The following MCTP1 variants were observed in gnomAD, a reference collection of about 807,000 sequenced individuals.
The protein encoded by MCTP1 is multiple C2 and transmembrane domain-containing protein 1.
A neutral mutation model predicts 120.6 loss-of-function variants in MCTP1; 69 were observed. The ratio of observed to expected loss-of-function variants is 0.57; its 90% CI spans 0.47 to 0.70. The LOEUF is 0.70. Ranked by LOEUF, MCTP1 falls within the 30% of genes least tolerant of loss-of-function variation. MCTP1 has a pLI of 0.00. For missense variants in MCTP1, 1,203 were observed against 1,248.8 expected, an observed-to-expected ratio of 0.96 and a Z score of 0.55; for synonymous variants, 529 against 493.1, an observed-to-expected ratio of 1.07 and a Z score of -0.96.
intron 1 of MCTP1, among the ~76,000 whole-genome samples, chr5:95,069,559 T>C (rs1327608711): frequency 3.9e-5 from 6 of 152,110 alleles, no homozygotes; most frequent in Non-Finnish European, 7.4e-5. Context: ...TGTCTATGTA[T>C]GTGTGTGAAA....
At chr5:94,761,924 C>G (rs1326661869) in intron 19 of MCTP1, among the ~76,000 whole-genome samples, 1 of 152,180 alleles carries the variant, frequency 6.6e-6, no homozygotes, top group Non-Finnish European at 1.5e-5. Flanking sequence ...TTTCCCTTTT[C>G]AAACCAAGCT....
At chr5:94,790,920 T>A (rs1428179036) in intron 18 of MCTP1, among the ~76,000 whole-genome samples, 1 of 152,072 alleles carries the variant, frequency 6.6e-6, no homozygotes. Flanking sequence ...CAAAGCATAT[T>A]ACCAGAAAGG....
chr5:94,860,457 G>C (rs1003991486), intron 17 of MCTP1, among the ~76,000 whole-genome samples: 22 of 151,694 alleles, frequency 1.5e-4, no homozygotes, highest in African/African-American at 4.6e-4. Flanking sequence ...TTGCATAAGA[G>C]AGAAGATAAA....
At chr5:95,196,626 G>C (rs1164478678) in intron 1 of MCTP1, among the ~76,000 whole-genome samples, 3 of 152,302 alleles carry the variant, frequency 2.0e-5, no homozygotes, top group South Asian at 2.1e-4. Context: ...ATAAGTATAT[G>C]CAGACTAGCA....
At chr5:94,878,130 T>C (rs1260517828) in intron 12 of MCTP1, among the ~76,000 whole-genome samples, 1 of 152,174 alleles carries the variant, frequency 6.6e-6, no homozygotes, top group Non-Finnish European at 1.5e-5. Flanking sequence ...TTAAAAAATA[T>C]AATCAAGGTT....
intron 17 of MCTP1, among the ~76,000 whole-genome samples, chr5:94,817,597 C>T (rs1784744346): frequency 1.3e-5 from 2 of 152,062 alleles, no homozygotes; most frequent in South Asian, 4.1e-4. Flanking sequence ...TTCCTATTGT[C>T]TTATTGTTTC....
chr5:94,986,307 T>A (rs539098690), intron 2 of MCTP1, among the ~76,000 whole-genome samples: 157 of 152,140 alleles, frequency 1.0e-3, no homozygotes, highest in Non-Finnish European at 1.7e-3. Context: ...ATTTCTTAAA[T>A]CTTTGGCTAA....
intron 1 of MCTP1, among the ~76,000 whole-genome samples, chr5:95,192,532 T>C (rs1749935642): frequency 6.6e-6 from 1 of 152,072 alleles, no homozygotes; most frequent in Non-Finnish European, 1.5e-5. Context: ...CATAACCTTT[T>C]TCAAGTCTCT....
At chr5:95,175,018 G>A (rs1292924096) in intron 1 of MCTP1, among the ~76,000 whole-genome samples, 3 of 151,894 alleles carry the variant, frequency 2.0e-5, no homozygotes, top group Non-Finnish European at 4.4e-5. Context: ...TGTGATGAGA[G>A]AATGACATAA....
intron 5 of MCTP1, among the ~76,000 whole-genome samples, chr5:94,934,157 G>A (rs1815529736): frequency 1.3e-5 from 2 of 151,448 alleles, no homozygotes; most frequent in African/African-American, 2.4e-5. Flanking sequence ...TTGAGTTAAG[G>A]TCGATTCAAT....
intron 1 of MCTP1, among the ~76,000 whole-genome samples, chr5:95,107,534 C>G (rs1406584350): frequency 6.6e-6 from 1 of 152,148 alleles, no homozygotes; most frequent in Non-Finnish European, 1.5e-5. Context: ...GGAAATAAAT[C>G]TGACAGGAAT....
intron 1 of MCTP1, among the ~76,000 whole-genome samples, chr5:95,079,285 G>A (rs1235571382): frequency 6.6e-6 from 1 of 152,090 alleles, no homozygotes; most frequent in Non-Finnish European, 1.5e-5. Context: ...CCTATGGGAA[G>A]TATGGGACTG....
At chr5:94,809,386 A>G (rs1397739412) in intron 17 of MCTP1, among the ~76,000 whole-genome samples, 1 of 152,134 alleles carries the variant, frequency 6.6e-6, no homozygotes, top group Admixed American at 6.5e-5. Flanking sequence ...CAACTTGAGC[A>G]TCACATAACC....
intron 1 of MCTP1, among the ~76,000 whole-genome samples, chr5:95,054,861 G>A (rs1746956968): frequency 6.6e-6 from 1 of 152,092 alleles, no homozygotes; most frequent in Admixed American, 6.6e-5. Context: ...GTGCAGTGGT[G>A]CAATCTCAGG....
intron 1 of MCTP1, among the ~76,000 whole-genome samples, chr5:95,211,721 A>G (rs1160069381): frequency 6.6e-6 from 1 of 152,202 alleles, no homozygotes; most frequent in Non-Finnish European, 1.5e-5. Flanking sequence ...CTGGTGAGGA[A>G]CTGCGTTCCT....
intron 1 of MCTP1, among the ~76,000 whole-genome samples, chr5:95,149,767 C>T (rs894618535): frequency 2.6e-5 from 4 of 152,158 alleles, no homozygotes; most frequent in Admixed American, 6.5e-5. Flanking sequence ...TTAAGCGGTG[C>T]CCTGCAAAAA....
At chr5:94,783,605 A>C (rs1777030582) in intron 18 of MCTP1, among the ~76,000 whole-genome samples, 1 of 152,104 alleles carries the variant, frequency 6.6e-6, no homozygotes, top group African/African-American at 2.4e-5. Context: ...CCAATGATGA[A>C]AGGATGAGGA....
chr5:94,767,193 A>G (rs1001694328), intron 19 of MCTP1, among the ~76,000 whole-genome samples: 9 of 152,216 alleles, frequency 5.9e-5, no homozygotes, highest in Non-Finnish European at 1.0e-4. Context: ...TAGACACAGA[A>G]CAAGCATTTG....
intron 1 of MCTP1, among the ~76,000 whole-genome samples, chr5:95,117,973 C>T (rs918314424): frequency 3.9e-5 from 6 of 151,986 alleles, no homozygotes; most frequent in East Asian, 1.9e-4. Context: ...TGAGGACACA[C>T]GGACACAGGG....
Sources: gnomAD v4.1 joint callset for allele counts (sites outside exome capture counted in the v4.1 genomes callset) on GRCh38, gnomAD v4.1.1 for gene constraint, MANE v1.5 for transcripts, NCBI Gene and HGNC (gene_info 2026-07-23, HGNC 2026-07-21) for gene names.